Variants in HTRA3 observed in about 807,000 individuals in gnomAD.
The protein encoded by HTRA3 is HtrA serine peptidase 3.
A neutral mutation model predicts 43.2 loss-of-function variants in HTRA3; 41 were observed. The observed-to-expected ratio is 0.95, with a 90% CI of 0.74 to 1.23. HTRA3 has a LOEUF of 1.23. Ranked by LOEUF, HTRA3 falls within the 50% of genes most tolerant of loss-of-function variation. The pLI, the probability that HTRA3 is intolerant of heterozygous loss-of-function variation, is 0.00. For missense variants in HTRA3, 628 were observed against 647.1 expected (o/e 0.97, Z 0.32); for synonymous variants, 295 against 287.9 (o/e 1.02, Z -0.25).
At chr4:8,299,228 T>C (rs1342964057) in intron 6 of HTRA3, among the ~76,000 whole-genome samples, 1 of 152,250 alleles carries the variant, frequency 6.6e-6, no homozygotes, top group Admixed American at 6.5e-5. Context: ...TTCATAAGTA[T>C]TTCTTAATTT....
At chr4:8,305,166 C>T (rs983510697) in intron 8 of HTRA3, among the ~76,000 whole-genome samples, 3 of 152,172 alleles carry the variant, frequency 2.0e-5, no homozygotes, top group African/African-American at 2.4e-5. Flanking sequence ...ATAAGTGGAC[C>T]CACACAGTTC....
In HTRA3 at chr4:8,291,490, G is replaced by C; in HGVS notation, c.829G>C (p.Ala277Pro). 1.2e-6 allele frequency: 2 copies of C among 1,612,948 alleles called. No homozygotes were observed. Among genetic ancestry groups the C allele is most frequent in the Non-Finnish European group, 1.7e-6 (2 of 1,179,928 alleles). ...NTVTTGIVST[A>P]QREGRELGLR... is the part of the protein sequence containing the mutation. The stretch of plus-strand genomic sequence containing the variant: ...AGTGACAACGGGCATCGTCAGCACT[G>C]CCCAGCGGGAGGGCAGGGAGCTGGG... The change falls in exon 4 of 9, where the codon GCC becomes CCC. Residue 277 changes from alanine to proline, a missense_variant. Coordinates refer to ENST00000307358, the MANE Select transcript of HTRA3 (RefSeq NM_053044.5).
At chr4:8,274,708 A>C (rs1298455049) in intron 1 of HTRA3, among the ~76,000 whole-genome samples, 2 of 152,170 alleles carry the variant, frequency 1.3e-5, no homozygotes, top group Non-Finnish European at 2.9e-5. Context: ...TGCGTTTCTG[A>C]GGGCCTGTGT....
intron 1 of HTRA3, among the ~76,000 whole-genome samples, chr4:8,276,522 C>T (rs1334380894): frequency 6.6e-6 from 1 of 152,218 alleles, no homozygotes; most frequent in Non-Finnish European, 1.5e-5. Context: ...TTCATTGGCC[C>T]CGGTCAAGGC....
In HTRA3 at chr4:8,291,571, C is replaced by A. The variant is rs767168140; in HGVS notation, c.903+7C>A. ...GACGGATGCCATCATCAACGTGAGT[C>A]CCAGGGACAGGAGGCCGGGGCACCT... On this transcript the variant is annotated splice_region_variant and intron_variant, in intron 4 of 8. Transcript: ENST00000307358. 3.8e-6 allele frequency: 6 copies of A among 1,563,660 alleles called. No individual in the cohort carries two copies. In the South Asian group the frequency reaches 7.1e-5, roughly 18 times the overall value.
Position 8,296,536 on chromosome 4 carries a change from G to T in HTRA3, c.1051+2335G>T. On this transcript the variant is annotated intron_variant, in intron 6 of 8. Transcript: ENST00000307358. The surrounding 1 kb of genome is among the most constrained non-coding windows in gnomAD (Gnocchi z 5.3). The stretch of plus-strand genomic sequence containing the variant: ...TTTTATTAAATCAAGGAGATGTTAA[G>T]TGCATTTATTATTCTCGTCTGGAGG... 2 of 985,128 alleles carry T rather than the reference G, an allele frequency of 2.0e-6. No homozygotes were observed. Among genetic ancestry groups the T allele is most frequent in the Non-Finnish European group, 2.4e-6 (2 of 829,684 alleles). 61.0% of individuals were successfully genotyped at this position (985,128 alleles called of 1,614,324 possible). A position where few individuals can be genotyped will look rare whatever the true frequency, so the allele number is the denominator to read the frequency against.
At chr4:8,272,434 C>T (rs1013995758) in intron 1 of HTRA3, among the ~76,000 whole-genome samples, 2 of 152,254 alleles carry the variant, frequency 1.3e-5, no homozygotes, top group African/African-American at 4.8e-5. Context: ...CTCAGTGCTC[C>T]GGGGTCTGCA....
rs764288506 is a variant in HTRA3 at position 8,302,516 on chromosome 4, G to C, written c.1100+5G>C. On this transcript the variant is annotated splice_donor_5th_base_variant and intron_variant, in intron 7 of 8. Coordinates refer to ENST00000307358, the MANE Select transcript of HTRA3 (RefSeq NM_053044.5). ...GATGCGGACGATCACACCAAGGTGA[G>C]TGTCTGAAGAGTGCCATCCCCTGCT... The C allele has an allele frequency of 6.2e-6, 10 of 1,613,654 alleles. No homozygotes were observed. The African/African-American group carries it at 1.1e-4, about 17-fold the overall frequency.
At chr4:8,299,333 A>G (rs957357899) in intron 6 of HTRA3, among the ~76,000 whole-genome samples, 1 of 152,256 alleles carries the variant, frequency 6.6e-6, no homozygotes, top group Non-Finnish European at 1.5e-5. Flanking sequence ...GATGTTCACC[A>G]TAAGATATCC....
chr4:8,302,378 A>T, intron 6 of HTRA3, 85 bp from the exon 7 acceptor site: 1 of 1,250,200 alleles, frequency 8.0e-7, no homozygotes, highest in Non-Finnish European at 1.2e-6. Context: ...CTGCAGGGGA[A>T]CTTCTGTCCT....
At chr4:8,299,364 T>C (rs74671260) in intron 6 of HTRA3, among the ~76,000 whole-genome samples, 1,774 of 152,332 alleles carry the variant, frequency 0.012, 28 homozygotes, top group African/African-American at 0.041. Context: ...ATAACTCACT[T>C]ACTGCTTCTA....
intron 8 of HTRA3, among the ~76,000 whole-genome samples, chr4:8,305,634 T>G (rs1713814175): frequency 6.6e-6 from 1 of 152,126 alleles, no homozygotes; most frequent in African/African-American, 2.4e-5. Context: ...CCTGGGCCTT[T>G]ATAATTTGCA....
chr4:8,291,652 C>T (rs4235256), intron 4 of HTRA3, 88 bp downstream of exon 4: 1 of 969,194 alleles, frequency 1.0e-6, no homozygotes, highest in Non-Finnish European at 1.5e-6. Context: ...GCTTGCCCCC[C>T]TCCCCAGAGC....
chr4:8,270,316 G>T lies in HTRA3; in HGVS notation c.348G>T (p.Thr116=). 1.4e-6 allele frequency: 2 copies of T among 1,454,634 alleles called. No individual in the cohort carries two copies. The highest frequency in any genetic ancestry group is 1.3e-5 in the South Asian group (1 of 74,514). The allele number at this position is 1,454,634 out of a possible 1,614,324, so 90.1% of individuals were successfully genotyped here. A position where few individuals can be genotyped will look rare whatever the true frequency, so the allele number is the denominator to read the frequency against. The change falls in exon 1 of 9, where the codon ACG becomes ACT. Residue 116 remains threonine (T), a synonymous_variant. Transcript: ENST00000307358. ...GCCGCGCGCTGCAGCTCTCCGGGAC[G>T]CCCGTGCGCCAGCTGCAGAAGGGCG... ...ASRRALQLSG[T]PVRQLQKGAC... is the part of the protein sequence containing the mutation.
chr4:8,273,312 C>G (rs767384973), intron 1 of HTRA3, among the ~76,000 whole-genome samples: 4 of 152,180 alleles, frequency 2.6e-5, no homozygotes, highest in Non-Finnish European at 5.9e-5. Context: ...TCTGCCCTCC[C>G]GAGGTCCCAG....
intron 3 of HTRA3, 32 bp from the exon 4 acceptor site, chr4:8,291,338 C>G (rs774452233): frequency 6.3e-7 from 1 of 1,594,628 alleles, no homozygotes; most frequent in Non-Finnish European, 8.6e-7. Context: ...GGCTAAGCCT[C>G]CCTCTCTGTG....
At chr4:8,285,899 G>A (rs1268133509) in intron 2 of HTRA3, among the ~76,000 whole-genome samples, 2 of 152,232 alleles carry the variant, frequency 1.3e-5, no homozygotes, top group Non-Finnish European at 2.9e-5. Context: ...TAGCCTGGGG[G>A]TGAGGGTAGA....
intron 2 of HTRA3, among the ~76,000 whole-genome samples, 174 bp downstream of exon 2, chr4:8,282,710 G>A (rs1279888154): frequency 3.9e-5 from 6 of 152,214 alleles, no homozygotes; most frequent in Non-Finnish European, 8.8e-5. Flanking sequence ...CCTGGGGAAG[G>A]ACATCCCCGC....
intron 6 of HTRA3, among the ~76,000 whole-genome samples, chr4:8,302,108 G>A (rs573410314): frequency 6.6e-6 from 1 of 152,180 alleles, no homozygotes. Context: ...GGGAACATTT[G>A]GGGAAGCAGC....
Sources: allele counts gnomAD v4.1 joint callset (sites outside exome capture counted in the v4.1 genomes callset), GRCh38; gene constraint gnomAD v4.1.1; non-coding constraint Gnocchi (gnomAD v3.1); transcripts MANE v1.5; gene names NCBI Gene and HGNC (gene_info 2026-07-23, HGNC 2026-07-21).